The following MVP variants were observed in gnomAD, a reference collection of about 807,000 sequenced individuals.
MVP encodes major vault protein, also known as lung resistance-related protein.
In MVP, 62 loss-of-function variants were observed where a neutral mutation model predicts 83.5. That is an observed-to-expected ratio of 0.74 (90% CI 0.61 to 0.92). MVP has a LOEUF of 0.92. Among genes scored for constraint, MVP ranks in the 40% least tolerant of loss-of-function variants. The probability of loss-of-function intolerance (pLI) is 0.00; values close to 1 mark genes in which losing one functional copy is unlikely to be tolerated. For synonymous variants in MVP, 505 were observed against 504.1 expected, an observed-to-expected ratio of 1.00 and a Z score of -0.02; for missense variants, 1,000 against 1,203.4, an observed-to-expected ratio of 0.83 and a Z score of 2.50.
intron 1 of MVP, among the ~76,000 whole-genome samples, chr16:29,824,383 G>A (rs868066679): frequency 2.6e-5 from 4 of 152,126 alleles, no homozygotes; most frequent in South Asian, 4.1e-4. Flanking sequence ...GGGGCCCCAG[G>A]CTGTGTTGCT....
chr16:29,823,308 TTA>T (rs1039448675), intron 1 of MVP, among the ~76,000 whole-genome samples: 23 of 151,618 alleles, frequency 1.5e-4, no homozygotes, highest in African/African-American at 4.8e-4. Context: ...TTTATGGTTT[TTA>T]TAGAGACAGG....
chr16:29,821,423 A>G (rs1021562035), intron 1 of MVP: 5 of 152,268 alleles, frequency 3.3e-5, no homozygotes, highest in African/African-American at 1.2e-4. Flanking sequence ...GGTGGCCCAG[A>G]GACAGCCTCA....
intron 10 of MVP, 30 bp downstream of exon 10, chr16:29,842,142 A>G (rs750920846): frequency 6.4e-7 from 1 of 1,562,852 alleles, no homozygotes; most frequent in Non-Finnish European, 8.6e-7. Context: ...ATGGGGGTGC[A>G]TTCCTGGAAT....
At chr16:29,847,650 G>A in intron 14 of MVP, 112 bp from the exon 15 acceptor site, 1 of 1,102,278 alleles carries the variant, frequency 9.1e-7, no homozygotes, top group Non-Finnish European at 1.4e-6. Flanking sequence ...GTCAAGCAGG[G>A]TGGTCAGATG....
chr16:29,846,098 C>T (rs985126045), intron 12 of MVP, 60 bp from the exon 13 acceptor site: 97 of 1,600,956 alleles, frequency 6.1e-5, no homozygotes, highest in Admixed American at 4.0e-4. Context: ...CAGCATAAGC[C>T]AAGGCCGTGG....
intron 11 of MVP, 46 bp downstream of exon 11, chr16:29,844,925 C>G (rs2067571295): frequency 6.4e-7 from 1 of 1,559,760 alleles, no homozygotes; most frequent in Non-Finnish European, 8.6e-7. Flanking sequence ...CCATGGCAGG[C>G]CACTGCTGGG....
At position 29,831,084 on chromosome 16, in the gene MVP, T is replaced by C. The variant is rs747036821; in HGVS notation, c.321+11T>C. The C allele has an allele frequency of 5.7e-5, 92 of 1,607,786 alleles. No individual in the cohort carries two copies. The highest frequency in any genetic ancestry group is 7.0e-5 in the Non-Finnish European group (83 of 1,179,192). On this transcript the variant is annotated intron_variant, in intron 3 of 14. Coordinates refer to ENST00000357402, the MANE Select transcript of MVP (RefSeq NM_005115.5). ...GAGGTGCTGGAAAAGGTACCTGGTT[T>C]CCTCACTCCCTATGCCCCACCCTAC...
chr16:29,846,294 G>C lies in MVP; in HGVS notation c.2265+10G>C, dbSNP rs1194702056. 1 of 1,553,316 alleles carries C rather than the reference G, an allele frequency of 6.4e-7. No homozygotes were observed. Among genetic ancestry groups the C allele is most frequent in the Admixed American group, 2.0e-5 (1 of 51,210 alleles). ...CTTGGCCATTGAAACGGTGAGTGGG[G>C]GGAGGCATTAAGAAGAGGGTGGCCT... On this transcript the variant is annotated intron_variant, in intron 13 of 14. Transcript: ENST00000357402.
At chr16:29,831,554 C>T (rs768887040) in intron 3 of MVP, 2 of 454,598 alleles carry the variant, frequency 4.4e-6, no homozygotes, top group Non-Finnish European at 8.8e-6. Flanking sequence ...ACTGTACCTC[C>T]ACTCACCTCC....
At chr16:29,840,916 G>A (rs1440208570) in intron 8 of MVP, among the ~76,000 whole-genome samples, 1 of 152,036 alleles carries the variant, frequency 6.6e-6, no homozygotes, top group Admixed American at 6.6e-5. Context: ...TTCAGCCAGG[G>A]TGACAGAGTG....
chr16:29,841,747 C>T lies in MVP; in HGVS notation c.1343C>T (p.Pro448Leu). ...AAGGACACAGCTAAGAGCCTCCAGC[C>T]CTTGGCGCCCCGGAACAAGACCCGT... is the stretch of plus-strand genomic sequence containing the variant. The part of the protein sequence containing the change: ...GEKDTAKSLQ[P>L]LAPRNKTRVV... Residue 448 changes from proline (P) to leucine (L), a missense_variant, in exon 9 of 15, where the codon CCC becomes CTC. Physicochemically the swap from Pro to Leu is moderately conservative, Grantham distance 98. Coordinates refer to ENST00000357402, the MANE Select transcript of MVP (RefSeq NM_005115.5). The surrounding 1 kb of genome is among the most constrained non-coding windows in gnomAD (Gnocchi z 4.7). The T allele has an allele frequency of 1.2e-6, 2 of 1,613,470 alleles. No homozygotes were observed. Among genetic ancestry groups the T allele is most frequent in the Non-Finnish European group, 1.7e-6 (2 of 1,179,868 alleles).
chr16:29,847,343 C>T lies in MVP; in HGVS notation c.2412C>T (p.Pro804=). The change falls in exon 14 of 15, where the codon CCC becomes CCT. Residue 804 remains proline (P), a synonymous_variant. Coordinates refer to ENST00000357402, the MANE Select transcript of MVP (RefSeq NM_005115.5). ...KFKQMTEAIG[P]STIRDLAVAG... is the part of the protein sequence containing the mutation. ...AGCAGATGACAGAGGCCATAGGCCC[C>T]AGCACCATCAGGGACCTTGCTGTGG... The T allele has an allele frequency of 6.3e-7, 1 of 1,593,416 alleles. No homozygotes were observed. Among genetic ancestry groups the T allele is most frequent in the Non-Finnish European group, 8.5e-7 (1 of 1,171,926 alleles).
rs556624264 is a variant in MVP at position 29,846,407 on chromosome 16, T to G, written c.2265+123T>G. 340 of 1,367,126 alleles carry G rather than the reference T, an allele frequency of 2.5e-4. 1 individual carries two copies. In the African/African-American group the frequency reaches 4.7e-3, roughly 19 times the overall value. The allele number at this position is 1,367,126 out of a possible 1,614,324, so 84.7% of individuals were successfully genotyped here. A position where few individuals can be genotyped will look rare whatever the true frequency, so the allele number is the denominator to read the frequency against. On this transcript the variant is annotated intron_variant, in intron 13 of 14. Transcript: ENST00000357402. The stretch of plus-strand genomic sequence containing the variant: ...AACATAAAGCCCTATCCAAGTACTT[T>G]GCATTTGCAAAGTCCTTTGCCTTGT...
In MVP at chr16:29,833,974, T is replaced by C; in HGVS notation, c.485T>C (p.Ile162Thr). ...CGGAAGGAAGTGGAGGTCGTGGAGA[T>C]CATTCAGGCCACCATCATCAGGCAG... ...IPRKEVEVVE[I>T]IQATIIRQNQ... The change falls in exon 5 of 15, where the codon ATC becomes ACC. Residue 162 changes from isoleucine (I) to threonine (T), a missense_variant. Coordinates refer to ENST00000357402, the MANE Select transcript of MVP (RefSeq NM_005115.5). The C allele has an allele frequency of 6.2e-7, 1 of 1,613,926 alleles. No homozygotes were observed. The highest frequency in any genetic ancestry group is 1.1e-5 in the South Asian group (1 of 91,076).
At chr16:29,843,635 A>C (rs1177942073) in intron 10 of MVP, among the ~76,000 whole-genome samples, 1 of 142,226 alleles carries the variant, frequency 7.0e-6, no homozygotes, top group Non-Finnish European at 1.5e-5. Context: ...GCCTGTAATC[A>C]CAGCACTTTG....
intron 13 of MVP, 38 bp from the exon 14 acceptor site, chr16:29,847,159 G>A (rs1356031389): frequency 6.2e-7 from 1 of 1,602,402 alleles, no homozygotes; most frequent in Non-Finnish European, 8.5e-7. Flanking sequence ...TCCAGCCTGG[G>A]TCAAAAAATA....
At chr16:29,845,145 G>A (rs1028121685) in intron 11 of MVP, among the ~76,000 whole-genome samples, 12 of 149,174 alleles carry the variant, frequency 8.0e-5, no homozygotes, top group African/African-American at 2.5e-4. Context: ...CCATGATTGC[G>A]CCACTGCACT....
At chr16:29,834,092 G>A (rs746812978) in intron 5 of MVP, 26 bp downstream of exon 5, 3 of 1,609,284 alleles carry the variant, frequency 1.9e-6, no homozygotes, top group East Asian at 2.2e-5. Context: ...GGCGATGATG[G>A]TGGGTGGGCA....
intron 5 of MVP, 136 bp from the exon 6 acceptor site, chr16:29,835,568 A>G: frequency 1.8e-6 from 1 of 552,560 alleles, no homozygotes; most frequent in South Asian, 2.8e-5. Flanking sequence ...GACCGCAGTC[A>G]GGAACTTGAG....
Sources: allele counts gnomAD v4.1 joint callset (sites outside exome capture counted in the v4.1 genomes callset), GRCh38; gene constraint gnomAD v4.1.1; non-coding constraint Gnocchi (gnomAD v3.1); transcripts MANE v1.5; gene names NCBI Gene and HGNC (gene_info 2026-07-23, HGNC 2026-07-21).